Variants in HDAC9 observed in about 807,000 individuals in gnomAD.
The protein encoded by HDAC9 is MEF-2 interacting transcription repressor (MITR) protein.
A neutral mutation model predicts 139.4 loss-of-function variants in HDAC9; 41 were observed. That is an observed-to-expected ratio of 0.29 (90% CI 0.23 to 0.38). The LOEUF is 0.38. Ranked by LOEUF, HDAC9 falls within the 10% of genes least tolerant of loss-of-function variation. The pLI is 1.00. For missense variants in HDAC9, 1,147 were observed against 1,297.0 expected (o/e 0.88, Z 1.78); for synonymous variants, 517 against 476.2 (o/e 1.09, Z -1.12).
rs1795328314 is a variant in HDAC9, at chr7:18,668,095, G to A, written c.1731+1619G>A. ...TATTGGCACGTGTTGTTTACATTTT[G>A]CTGTGACATTTAAAAATATTTCTTT... On this transcript the variant is annotated intron_variant, in intron 12 of 25. Coordinates refer to ENST00000686413, the MANE Select transcript of HDAC9 (RefSeq NM_178425.4). 4.2e-6 allele frequency: 4 copies of A among 953,898 alleles called. No homozygotes were observed. In the South Asian group the frequency reaches 1.5e-4, roughly 35 times the overall value. The allele number at this position is 953,898 out of a possible 1,614,324, so 59.1% of individuals were successfully genotyped here. A position where few individuals can be genotyped will look rare whatever the true frequency, so the allele number is the denominator to read the frequency against.
intron 2 of HDAC9, among the ~76,000 whole-genome samples, chr7:18,183,577 G>A (rs1254937238): frequency 6.6e-6 from 1 of 152,160 alleles, no homozygotes; most frequent in Admixed American, 6.5e-5. Context: ...GCTTTTGGAA[G>A]GTTATCCTAG....
At chr7:18,156,613 G>T (rs1249486940) in intron 1 of HDAC9, among the ~76,000 whole-genome samples, 3 of 152,174 alleles carry the variant, frequency 2.0e-5, no homozygotes, top group African/African-American at 7.2e-5. Context: ...TACTAGGTGT[G>T]GGGGTTACAA....
intron 9 of HDAC9, among the ~76,000 whole-genome samples, chr7:18,646,489 G>A (rs558315997): frequency 2.4e-4 from 36 of 152,218 alleles, no homozygotes; most frequent in Middle Eastern, 6.8e-3. Flanking sequence ...CTTTGCCAAC[G>A]GGATTTGTAG....
chr7:18,174,329 T>G (rs940516267), intron 2 of HDAC9, among the ~76,000 whole-genome samples: 1 of 152,208 alleles, frequency 6.6e-6, no homozygotes, highest in African/African-American at 2.4e-5. Context: ...CTACACTGTT[T>G]ATTCTAGTGA....
intron 22 of HDAC9, among the ~76,000 whole-genome samples, chr7:18,895,937 T>C (rs191195886): frequency 3.9e-4 from 59 of 152,228 alleles, no homozygotes; most frequent in African/African-American, 1.3e-3. Context: ...TAGCAGTTTC[T>C]TAGGTGTGGA....
chr7:18,332,160 A>C (rs1428819389), intron 1 of HDAC9, among the ~76,000 whole-genome samples: 1 of 151,762 alleles, frequency 6.6e-6, no homozygotes, highest in Non-Finnish European at 1.5e-5. Flanking sequence ...GATACTTAAT[A>C]ATTTCCCTGA....
chr7:18,461,656 G>A (rs1024857878), intron 1 of HDAC9, among the ~76,000 whole-genome samples: 34 of 152,254 alleles, frequency 2.2e-4, no homozygotes, highest in African/African-American at 8.2e-4. Context: ...AATTTGGACT[G>A]AAGTTGTCAC....
At chr7:18,975,202 C>A (rs1282715850) in intron 24 of HDAC9, among the ~76,000 whole-genome samples, 1 of 152,158 alleles carries the variant, frequency 6.6e-6, no homozygotes, top group Non-Finnish European at 1.5e-5. Flanking sequence ...TATGGATGGG[C>A]TCCAACATCA....
intron 1 of HDAC9, among the ~76,000 whole-genome samples, chr7:18,441,076 T>G (rs1015076291): frequency 4.6e-5 from 7 of 152,240 alleles, no homozygotes; most frequent in African/African-American, 1.7e-4. Flanking sequence ...TTCCTTCATC[T>G]ATAAAATGGA....
intron 15 of HDAC9, among the ~76,000 whole-genome samples, chr7:18,764,359 A>G (rs570632348): frequency 1.4e-4 from 22 of 152,286 alleles, no homozygotes; most frequent in African/African-American, 5.3e-4. Flanking sequence ...CTCAGTGATC[A>G]TTGCAACAAT....
At chr7:18,443,447 G>A (rs1463570509) in intron 1 of HDAC9, among the ~76,000 whole-genome samples, 1 of 152,108 alleles carries the variant, frequency 6.6e-6, no homozygotes, top group South Asian at 2.1e-4. Flanking sequence ...CCTCATAAAA[G>A]TAAATAGAAT....
chr7:18,110,842 G>C (rs1347144087), intron 1 of HDAC9, among the ~76,000 whole-genome samples: 4 of 152,106 alleles, frequency 2.6e-5, no homozygotes, highest in African/African-American at 9.7e-5. Context: ...AAGACAAAAT[G>C]GATATGATAG....
chr7:18,825,772 GA>G lies in HDAC9; in HGVS notation c.2323-3388del, dbSNP rs1795381987. On this transcript the variant is annotated intron_variant, in intron 17 of 25. Coordinates refer to ENST00000686413, the MANE Select transcript of HDAC9 (RefSeq NM_178425.4). ...AATATATAATTATCAAAATTATATA[GA>G]TATATAAAACCTTCACATACACATA... Among the ~76,000 whole-genome samples, 19 of 147,746 alleles carry G rather than the reference GA, an allele frequency of 1.3e-4. No homozygotes were observed. In the South Asian group the frequency reaches 4.0e-3, roughly 31 times the overall value.
chr7:18,189,188 T>C (rs1238025060), intron 2 of HDAC9, among the ~76,000 whole-genome samples: 1 of 152,150 alleles, frequency 6.6e-6, no homozygotes, highest in Non-Finnish European at 1.5e-5. Context: ...ATCATGTCCT[T>C]TGCAGGGACA....
intron 21 of HDAC9, chr7:18,851,506 C>G (rs555158595): frequency 5.2e-5 from 8 of 152,432 alleles, no homozygotes; most frequent in African/African-American, 1.9e-4. Flanking sequence ...AATTAAACCT[C>G]TTTTCTTTAT....
At chr7:18,707,635 A>G (rs1784030643) in intron 12 of HDAC9, among the ~76,000 whole-genome samples, 1 of 152,196 alleles carries the variant, frequency 6.6e-6, no homozygotes, top group South Asian at 2.1e-4. Flanking sequence ...GAACAAAACT[A>G]CAAAAAATCC....
chr7:18,373,230 C>T lies in HDAC9; in HGVS notation c.-42+82715C>T, dbSNP rs566892900. 3.3e-5 allele frequency among the ~76,000 whole-genome samples: 5 copies of T among 152,218 alleles called. No individual in the cohort carries two copies. In the East Asian group the frequency reaches 9.7e-4, roughly 29 times the overall value. On this transcript the variant is annotated intron_variant, in intron 1 of 3. Transcript: ENST00000413509. ...GTATTTGTAGTAATTTCTAGCTGAG[C>T]ACTAACGAGTAAGAAAAGGTGGTGT...
intron 2 of HDAC9, among the ~76,000 whole-genome samples, chr7:18,537,723 G>T (rs1811358844): frequency 6.6e-6 from 1 of 152,190 alleles, no homozygotes. Context: ...AGGGAATACT[G>T]GTTCATCCCA....
intron 1 of HDAC9, among the ~76,000 whole-genome samples, chr7:18,356,358 GTTTT>G (rs5882659): frequency 0.013 from 728 of 55,158 alleles, 11 homozygotes; most frequent in African/African-American, 0.02. Context: ...CAGCACATAG[GTTTT>G]TTTTTTTTTT....
Sources: gnomAD v4.1 joint callset for allele counts (sites outside exome capture counted in the v4.1 genomes callset) on GRCh38, gnomAD v4.1.1 for gene constraint, MANE v1.5 for transcripts, NCBI Gene and HGNC (gene_info 2026-07-23, HGNC 2026-07-21) for gene names.